The following UTP4 variants were observed in gnomAD, a reference collection of about 807,000 sequenced individuals.
The protein encoded by UTP4 is UTP4 small subunit processome component.
Under a neutral mutation model 82.4 loss-of-function variants are expected in UTP4, and 45 were observed. The observed-to-expected ratio is 0.55, with a 90% CI of 0.43 to 0.70. The LOEUF (loss-of-function observed/expected upper bound fraction) is 0.70, where lower values mean the gene tolerates loss of function less well. Ranked by LOEUF, UTP4 falls within the 30% of genes least tolerant of loss-of-function variation. The pLI is 0.00. For synonymous variants in UTP4, 348 were observed against 300.3 expected, an observed-to-expected ratio of 1.16 and a Z score of -1.64; for missense variants, 819 against 858.3, an observed-to-expected ratio of 0.95 and a Z score of 0.57.
intron 4 of UTP4, among the ~76,000 whole-genome samples, chr16:69,138,442 T>C (rs1962868935): frequency 6.6e-6 from 1 of 152,166 alleles, no homozygotes; most frequent in South Asian, 2.1e-4. Context: ...TTCACCATGT[T>C]GGCCAGGCTG....
chr16:69,163,218 G>C, intron 14 of UTP4, 40 bp downstream of exon 14: 1 of 1,497,950 alleles, frequency 6.7e-7, no homozygotes, highest in Admixed American at 1.7e-5. Context: ...CTTCCTGCTG[G>C]ATAGTAACCT....
In UTP4 at chr16:69,153,598, C is replaced by G; in HGVS notation, c.1017C>G (p.Ser339=). Residue 339 remains serine (S), a synonymous_variant, in exon 9 of 17, where the codon TCC becomes TCG. Transcript: ENST00000314423. ...KITFPHRCLI[S]CSKKRQLLLF... is the part of the protein sequence containing the mutation. The stretch of plus-strand genomic sequence containing the variant: ...CTTGGATATAGCGATGTCTCATCTC[C>G]TGTTCTAAAAAGAGGCAGCTTCTCC... 6.2e-7 allele frequency: 1 copy of G among 1,612,934 alleles called. No homozygotes were observed. The highest frequency in any genetic ancestry group is 1.1e-5 in the South Asian group (1 of 90,756).
Position 69,160,542 on chromosome 16 carries a change from G to A in UTP4, c.1551+80G>A, listed in dbSNP as rs1963537033. The A allele has an allele frequency of 1.4e-5, 14 of 975,708 alleles. No individual in the cohort carries two copies. In the South Asian group the frequency reaches 1.8e-4, roughly 13 times the overall value. The allele number at this position is 975,708 out of a possible 1,614,324, so 60.4% of individuals were successfully genotyped here. Reference sequence around the variant, plus strand: ...CCCTGCAGTTACAAGATTCAAGGCAGATTGGCATGACCTGGAAATTTATTA... The same window carrying A: ...CCCTGCAGTTACAAGATTCAAGGCAAATTGGCATGACCTGGAAATTTATTA... On this transcript the variant is annotated intron_variant, in intron 13 of 16. Coordinates refer to ENST00000314423, the MANE Select transcript of UTP4 (RefSeq NM_032830.3).
At chr16:69,152,985 T>A (rs187125244) in intron 8 of UTP4, among the ~76,000 whole-genome samples, 1 of 152,308 alleles carries the variant, frequency 6.6e-6, no homozygotes, top group Admixed American at 6.5e-5. Context: ...TGGTTATCCC[T>A]GTTGGCTTCA....
At chr16:69,164,164 T>A (rs143906729) in intron 14 of UTP4, among the ~76,000 whole-genome samples, 11 of 151,906 alleles carry the variant, frequency 7.2e-5, no homozygotes, top group South Asian at 2.1e-4. Context: ...GATTACAGGC[T>A]TGAGCCACCG....
intron 6 of UTP4, among the ~76,000 whole-genome samples, chr16:69,149,615 A>G (rs1963207292): frequency 6.6e-6 from 1 of 152,110 alleles, no homozygotes; most frequent in Non-Finnish European, 1.5e-5. Context: ...CTGGTCTCCA[A>G]CTTCTGGGCT....
Position 69,150,522 on chromosome 16 carries a change from G to A in UTP4, c.739-15G>A. On this transcript the variant is annotated splice_polypyrimidine_tract_variant and intron_variant, in intron 6 of 16. Transcript: ENST00000314423. ...TTTTGCTTACGTGTACCTCCCTCAT[G>A]ATTTAATTCCTCAGCAAGAAGACAG... The A allele has an allele frequency of 1.9e-6, 3 of 1,614,144 alleles. No homozygotes were observed. Among genetic ancestry groups the A allele is most frequent in the Non-Finnish European group, 2.5e-6 (3 of 1,179,990 alleles).
chr16:69,164,602 ATATATATATATATG>A (rs1425814279), intron 14 of UTP4, among the ~76,000 whole-genome samples: 3 of 144,272 alleles, frequency 2.1e-5, no homozygotes, highest in African/African-American at 7.7e-5. Context: ...ATATATATAT[ATATATATATATATG>A]TATATATATA....
chr16:69,143,257 C>G lies in UTP4; in HGVS notation c.606C>G (p.Ala202=). The change falls in exon 6 of 17, where the codon GCC becomes GCG. Residue 202 remains alanine, a synonymous_variant. Coordinates refer to ENST00000314423, the MANE Select transcript of UTP4 (RefSeq NM_032830.3). The part of the protein sequence containing the change: ...SKRKCIVWGV[A]FLSDGTIISV... Reference sequence around the variant, plus strand: ...GGAAGTGCATCGTGTGGGGTGTCGCCTTCTTGTCCGATGGCACTATCATAA... The same window carrying G: ...GGAAGTGCATCGTGTGGGGTGTCGCGTTCTTGTCCGATGGCACTATCATAA... 1 of 1,614,204 alleles carries G rather than the reference C, an allele frequency of 6.2e-7. No individual in the cohort carries two copies. Among genetic ancestry groups the G allele is most frequent in the Non-Finnish European group, 8.5e-7 (1 of 1,180,040 alleles).
chr16:69,166,980 G>T, intron 15 of UTP4, 95 bp from the exon 16 acceptor site: 1 of 832,002 alleles, frequency 1.2e-6, no homozygotes. Flanking sequence ...ATGATGGTTA[G>T]AAGATGATGT....
Position 69,168,961 on chromosome 16 carries a change from C to A in UTP4, c.*24C>A. On this transcript the variant is annotated 3_prime_UTR_variant, in exon 17 of 17. Coordinates refer to ENST00000314423, the MANE Select transcript of UTP4 (RefSeq NM_032830.3). The stretch of plus-strand genomic sequence containing the variant: ...AAAACAGGGCACTGTCTGTGTCCTT[C>A]CTTGAACTGTCTACCCTGTTGCTTT... The A allele has an allele frequency of 7.4e-7, 1 of 1,348,586 alleles. No homozygotes were observed. Among genetic ancestry groups the A allele is most frequent in the South Asian group, 1.2e-5 (1 of 85,792 alleles). The allele number at this position is 1,348,586 out of a possible 1,614,324, so 83.5% of individuals were successfully genotyped here. A position where few individuals can be genotyped will look rare whatever the true frequency, so the allele number is the denominator to read the frequency against.
At chr16:69,160,983 T>A (rs1406836466) in intron 13 of UTP4, among the ~76,000 whole-genome samples, 2 of 152,196 alleles carry the variant, frequency 1.3e-5, no homozygotes, top group Non-Finnish European at 2.9e-5. Context: ...TGTGTAACAT[T>A]AAAAGCAGCT....
chr16:69,136,762 A>C lies in UTP4; in HGVS notation c.226A>C (p.Ser76Arg). 1 of 1,614,100 alleles carries C rather than the reference A, an allele frequency of 6.2e-7. No homozygotes were observed. The highest frequency in any genetic ancestry group is 8.5e-7 in the Non-Finnish European group (1 of 1,179,976). The change falls in exon 3 of 17, where the codon AGT becomes CGT. Residue 76 changes from serine to arginine, a missense_variant. Transcript: ENST00000314423. ...CTGGGCAGAAGGACAGCGACTCTTT[A>C]GTGCTGGGCTCAATGGCGAGATTAT... ...LCWAEGQRLF[S>R]AGLNGEIMEY...
chr16:69,150,693 G>T lies in UTP4; in HGVS notation c.895G>T (p.Ala299Ser). The change falls in exon 7 of 17, where the codon GCG (alanine) becomes TCG (serine). Residue 299 changes from alanine (A) to serine (S), a missense_variant. By Grantham distance (99) the Ala-to-Ser change is moderately conservative. Coordinates refer to ENST00000314423, the MANE Select transcript of UTP4 (RefSeq NM_032830.3). ...GCGCACTGTGGCCCACAGCCCAACA[G>T]CGCTGATATCTGGAGGTGGGTTCCC... is the stretch of plus-strand genomic sequence containing the variant. ...DVRTVAHSPT[A>S]LISGGTDTHL... The T allele has an allele frequency of 6.2e-7, 1 of 1,614,232 alleles. No individual in the cohort carries two copies. Among genetic ancestry groups the T allele is most frequent in the Non-Finnish European group, 8.5e-7 (1 of 1,180,050 alleles).
intron 5 of UTP4, chr16:69,142,355 C>T (rs537635354): frequency 1.0e-4 from 16 of 153,826 alleles, no homozygotes; most frequent in Non-Finnish European, 2.2e-4. Context: ...ATGGTGTTCT[C>T]AACATTCAGT....
intron 6 of UTP4, among the ~76,000 whole-genome samples, chr16:69,147,701 T>G (rs1261268375): frequency 6.6e-6 from 1 of 152,146 alleles, no homozygotes; most frequent in African/African-American, 2.4e-5. Context: ...AAGAAATGCA[T>G]TTATGTTTCA....
At chr16:69,139,738 C>G in intron 4 of UTP4, 87 bp from the exon 5 acceptor site, 1 of 844,330 alleles carries the variant, frequency 1.2e-6, no homozygotes, top group African/African-American at 1.7e-5. Context: ...GTAGAACACT[C>G]TAGAGATAGT....
At chr16:69,158,788 A>G (rs371729927) in intron 12 of UTP4, among the ~76,000 whole-genome samples, 33 of 151,528 alleles carry the variant, frequency 2.2e-4, no homozygotes, top group East Asian at 9.7e-4. Context: ...CCTCATCCCC[A>G]CCCATCCTTT....
At chr16:69,168,329 G>A (rs1050692624) in intron 16 of UTP4, among the ~76,000 whole-genome samples, 20 of 151,756 alleles carry the variant, frequency 1.3e-4, no homozygotes, top group Non-Finnish European at 2.6e-4. Flanking sequence ...CCAGCTACCC[G>A]GGAGGCTGAG....
Sources: gnomAD v4.1 joint callset for allele counts (sites outside exome capture counted in the v4.1 genomes callset) on GRCh38, gnomAD v4.1.1 for gene constraint, MANE v1.5 for transcripts, NCBI Gene and HGNC (gene_info 2026-07-23, HGNC 2026-07-21) for gene names.